The following FAM184A variants were observed in gnomAD, a reference collection of about 807,000 sequenced individuals.
The protein encoded by FAM184A is family with sequence similarity 184 member A.
Under a neutral mutation model 143.8 loss-of-function variants are expected in FAM184A, and 99 were observed. The ratio of observed to expected loss-of-function variants is 0.69; its 90% CI spans 0.58 to 0.81. FAM184A has a LOEUF of 0.81. FAM184A is among the 40% of genes least tolerant of loss of function. The pLI is 0.00. For missense variants in FAM184A, 1,217 were observed against 1,310.5 expected (o/e 0.93, Z 1.10); for synonymous variants, 427 against 446.4 (o/e 0.96, Z 0.55).
Position 118,991,163 on chromosome 6 carries a change from A to AT in FAM184A, c.2089-10814dup, listed in dbSNP as rs527696839. The stretch of plus-strand genomic sequence containing the variant: ...AAAAGATATTTTATTTTATTTTTTA[A>AT]TTTTTTTTTTTTTTGAGATGAATGA... On this transcript the variant is annotated intron_variant, in intron 9 of 17. Transcript: ENST00000338891. Among the ~76,000 whole-genome samples the AT allele has an allele frequency of 8.0e-3, 1,158 of 145,296 alleles. 8 individuals carry two copies. Among genetic ancestry groups the AT allele is most frequent in the Middle Eastern group, 0.021 (6 of 288 alleles).
chr6:119,134,513 G>A lies in FAM184A; in HGVS notation c.-202+14565C>T, dbSNP rs141157019. Among the ~76,000 whole-genome samples the A allele has an allele frequency of 1.6e-3, 236 of 152,040 alleles. 2 individuals carry two copies. Among genetic ancestry groups the A allele is most frequent in the Admixed American group, 4.1e-3 (62 of 15,252 alleles). On this transcript the variant is annotated intron_variant, in intron 1 of 16. Transcript: ENST00000352896. ...CAAAAAATAAAAGTAAATTAGCTGG[G>A]CATGGTGATGTACACATGTAATCCC...
intron 3 of FAM184A, among the ~76,000 whole-genome samples, chr6:119,022,351 G>A (rs1785477322): frequency 2.6e-5 from 4 of 151,862 alleles, no homozygotes; most frequent in Admixed American, 2.6e-4. Flanking sequence ...AAGCCACCAT[G>A]CCCAGCCCGT....
chr6:119,006,380 A>T, intron 7 of FAM184A, 67 bp downstream of exon 7: 1 of 1,472,946 alleles, frequency 6.8e-7, no homozygotes, highest in Non-Finnish European at 9.4e-7. Flanking sequence ...AAATAGCTCT[A>T]GGTCAAATGG....
intron 1 of FAM184A, among the ~76,000 whole-genome samples, chr6:119,108,476 AT>A (rs762571119): frequency 4.9e-4 from 73 of 150,328 alleles, no homozygotes; most frequent in South Asian, 3.4e-3. Flanking sequence ...ACTGGTGGCA[AT>A]TTTTTTTTTC....
chr6:119,114,121 AC>A (rs1302793407), intron 1 of FAM184A, among the ~76,000 whole-genome samples: 1 of 152,172 alleles, frequency 6.6e-6, no homozygotes, highest in Non-Finnish European at 1.5e-5. Flanking sequence ...GTCTCAGGCA[AC>A]CACTGGGGGT....
chr6:119,046,431 G>T (rs1786537773), intron 1 of FAM184A, among the ~76,000 whole-genome samples: 1 of 151,936 alleles, frequency 6.6e-6, no homozygotes, highest in Non-Finnish European at 1.5e-5. Context: ...CACAATGTTG[G>T]CCAGGCTGGT....
intron 9 of FAM184A, among the ~76,000 whole-genome samples, chr6:118,996,343 C>G (rs917178906): frequency 1.4e-4 from 22 of 152,128 alleles, no homozygotes; most frequent in African/African-American, 5.1e-4. Flanking sequence ...CACCAATTAA[C>G]TTTGAATTCA....
chr6:119,085,248 T>C (rs1562144292), intron 1 of FAM184A, among the ~76,000 whole-genome samples: 1 of 152,208 alleles, frequency 6.6e-6, no homozygotes, highest in Non-Finnish European at 1.5e-5. Flanking sequence ...CTCACACATA[T>C]GAGCATACAT....
At position 119,024,025 on chromosome 6, in the gene FAM184A, A is replaced by C. The variant is rs200744187; in HGVS notation, c.948T>G (p.Ala316=). The C allele has an allele frequency of 9.3e-6, 15 of 1,611,490 alleles. No homozygotes were observed. Among genetic ancestry groups the C allele is most frequent in the Non-Finnish European group, 1.1e-5 (13 of 1,179,452 alleles). ...TTTGGCATTTGTCAAGAAGACTTCC[A>C]GCTTCATCCTGTACCATCTGTAACT... ...KTELQMVQDE[A]GSLLDKCQKL... Residue 316 remains alanine (A), a synonymous_variant, in exon 2 of 18, where the codon GCT becomes GCG. Coordinates refer to ENST00000338891, the MANE Select transcript of FAM184A (RefSeq NM_024581.6).
At chr6:119,118,408 T>G (rs2114857443) in intron 1 of FAM184A, among the ~76,000 whole-genome samples, 1 of 152,310 alleles carries the variant, frequency 6.6e-6, no homozygotes, top group African/African-American at 2.4e-5. Flanking sequence ...TTGTGGGAAA[T>G]GATCTCAACA....
chr6:119,017,820 C>G (rs556136491), intron 4 of FAM184A, among the ~76,000 whole-genome samples: 1 of 152,140 alleles, frequency 6.6e-6, no homozygotes, highest in East Asian at 1.9e-4. Context: ...ATATGAATAG[C>G]TTGGTGCTGT....
intron 1 of FAM184A, among the ~76,000 whole-genome samples, chr6:119,036,717 C>G (rs1377168769): frequency 6.6e-6 from 1 of 152,110 alleles, no homozygotes; most frequent in African/African-American, 2.4e-5. Context: ...TATATGCATT[C>G]TGGCAAAGAA....
intron 16 of FAM184A, chr6:118,962,925 G>A (rs990727327): frequency 1.3e-5 from 2 of 151,806 alleles, no homozygotes; most frequent in African/African-American, 4.8e-5. Flanking sequence ...GAAATAACTC[G>A]AGTTTGGGAA....
At chr6:119,031,278 T>C (rs1399522582) in intron 1 of FAM184A, 4 of 152,186 alleles carry the variant, frequency 2.6e-5, no homozygotes, top group Non-Finnish European at 5.9e-5. Context: ...TATGATGGTA[T>C]TTGGAGACGG....
intron 1 of FAM184A, among the ~76,000 whole-genome samples, chr6:119,146,574 G>C (rs1216742363): frequency 6.6e-6 from 1 of 151,916 alleles, no homozygotes; most frequent in Admixed American, 6.6e-5. Flanking sequence ...AGGACTACCA[G>C]TATAAGCCAC....
intron 9 of FAM184A, among the ~76,000 whole-genome samples, chr6:118,985,432 G>T (rs1374046197): frequency 1.3e-5 from 2 of 152,162 alleles, no homozygotes; most frequent in Non-Finnish European, 2.9e-5. Flanking sequence ...GTACGCCAAG[G>T]GATTTAATGA....
At chr6:119,093,761 A>C (rs183509666) in intron 1 of FAM184A, among the ~76,000 whole-genome samples, 34 of 152,244 alleles carry the variant, frequency 2.2e-4, no homozygotes, top group African/African-American at 7.9e-4. Context: ...TCCCTGATTC[A>C]AGAGCACCCA....
At chr6:119,137,285 T>A (rs1269079390) in intron 1 of FAM184A, among the ~76,000 whole-genome samples, 1 of 149,960 alleles carries the variant, frequency 6.7e-6, no homozygotes, top group Admixed American at 6.7e-5. Flanking sequence ...TGTGTGTGTA[T>A]GCTTGTGTGT....
chr6:119,030,400 T>C (rs1054051703), intron 1 of FAM184A, among the ~76,000 whole-genome samples: 3 of 152,000 alleles, frequency 2.0e-5, no homozygotes, highest in Non-Finnish European at 2.9e-5. Context: ...TTAGTGTCCT[T>C]CTCTGAACAC....
Sources: allele counts gnomAD v4.1 joint callset (sites outside exome capture counted in the v4.1 genomes callset), GRCh38; gene constraint gnomAD v4.1.1; transcripts MANE v1.5; gene names NCBI Gene and HGNC (gene_info 2026-07-23, HGNC 2026-07-21).